Variants in SLC25A48 observed in about 807,000 individuals in gnomAD.
SLC25A48 encodes the protein solute carrier family 25 member 48, also known as CTC-321K16.1.
A neutral mutation model predicts 32.2 loss-of-function variants in SLC25A48; 29 were observed. That is an observed-to-expected ratio of 0.90 (90% CI 0.67 to 1.23). The LOEUF is 1.23. SLC25A48 is among the 50% of genes most tolerant of loss of function. SLC25A48 has a pLI of 0.00. For synonymous variants in SLC25A48, 164 were observed against 172.3 expected (o/e 0.95, Z 0.38); for missense variants, 399 against 422.7 (o/e 0.94, Z 0.49).
chr5:135,850,334 T>C (rs1759742842), intron 2 of SLC25A48, 91 bp from the exon 3 acceptor site: 3 of 1,337,298 alleles, frequency 2.2e-6, no homozygotes, highest in South Asian at 1.2e-5. Flanking sequence ...CGGGGGTCAC[T>C]ATGAGCAGGG....
chr5:135,879,567 G>C (rs1410866018), intron 6 of SLC25A48, among the ~76,000 whole-genome samples: 1 of 150,998 alleles, frequency 6.6e-6, no homozygotes, highest in Admixed American at 6.6e-5. Flanking sequence ...TCTACTCAGG[G>C]CTTCTAGATT....
chr5:135,744,693 G>T (rs926424118), intron 3 of SLC25A48, among the ~76,000 whole-genome samples: 8 of 152,174 alleles, frequency 5.3e-5, no homozygotes, highest in Non-Finnish European at 8.8e-5. Flanking sequence ...TATTGCTGAT[G>T]GTCACACCAC....
At chr5:135,854,070 C>A (rs906717042) in intron 4 of SLC25A48, among the ~76,000 whole-genome samples, 13 of 152,202 alleles carry the variant, frequency 8.5e-5, no homozygotes, top group African/African-American at 3.1e-4. Context: ...CTTTTCTGAG[C>A]AGTAGGTCTC....
chr5:135,876,062 C>CTCTGACA (rs1158212148), intron 6 of SLC25A48: 8 of 149,074 alleles, frequency 5.4e-5, no homozygotes, highest in Non-Finnish European at 1.2e-4. Context: ...ACAAGAGCTG[C>CTCTGACA]TCTGACAGAA....
intron 1 of SLC25A48, among the ~76,000 whole-genome samples, chr5:135,588,251 G>A (rs1021715225): frequency 1.3e-4 from 20 of 152,322 alleles, no homozygotes; most frequent in Admixed American, 2.6e-4. Flanking sequence ...ATGTATTTGA[G>A]CTATCACAAA....
intron 4 of SLC25A48, among the ~76,000 whole-genome samples, chr5:135,824,073 A>G (rs1271146017): frequency 6.6e-6 from 1 of 152,210 alleles, no homozygotes; most frequent in African/African-American, 2.4e-5. Flanking sequence ...CAGGAAGAGC[A>G]TGCCAGTGAT....
intron 1 of SLC25A48, among the ~76,000 whole-genome samples, chr5:135,621,742 T>G (rs532497404): frequency 5.3e-5 from 8 of 152,144 alleles, no homozygotes; most frequent in Non-Finnish European, 1.2e-4. Flanking sequence ...TCAAAGGTGT[T>G]TACAGGCATC....
chr5:135,734,924 G>A (rs1755323833), intron 3 of SLC25A48, among the ~76,000 whole-genome samples: 1 of 152,190 alleles, frequency 6.6e-6, no homozygotes, highest in Non-Finnish European at 1.5e-5. Context: ...GAGGCAATTG[G>A]GCAGCGTCAG....
intron 4 of SLC25A48, among the ~76,000 whole-genome samples, chr5:135,817,573 T>C (rs1757755530): frequency 6.6e-6 from 1 of 152,164 alleles, no homozygotes; most frequent in Non-Finnish European, 1.5e-5. Flanking sequence ...GCTGAGGCTA[T>C]AGAACTTGAA....
chr5:135,812,088 A>T (rs192894526), intron 3 of SLC25A48, among the ~76,000 whole-genome samples: 1 of 152,308 alleles, frequency 6.6e-6, no homozygotes, highest in Admixed American at 6.5e-5. Flanking sequence ...TCTCAAAAAA[A>T]ATAAATAAAT....
At chr5:135,643,891 TGAG>T (rs1489409106) in intron 3 of SLC25A48, among the ~76,000 whole-genome samples, 1 of 152,178 alleles carries the variant, frequency 6.6e-6, no homozygotes, top group Non-Finnish European at 1.5e-5. Flanking sequence ...ATTTTGCAGA[TGAG>T]GAGATTAAGG....
At chr5:135,589,451 CT>C (rs1751456363) in intron 1 of SLC25A48, among the ~76,000 whole-genome samples, 1 of 152,170 alleles carries the variant, frequency 6.6e-6, no homozygotes. Flanking sequence ...CCTGTAGGGG[CT>C]CCAGGTTAAT....
chr5:135,862,750 G>A (rs1173336222), intron 4 of SLC25A48, among the ~76,000 whole-genome samples: 1 of 152,196 alleles, frequency 6.6e-6, no homozygotes, highest in East Asian at 1.9e-4. Context: ...ACAACATAGG[G>A]GAAGATTTAG....
At chr5:135,790,033 TC>T (rs1209655490) in intron 3 of SLC25A48, among the ~76,000 whole-genome samples, 1 of 151,904 alleles carries the variant, frequency 6.6e-6, no homozygotes, top group Non-Finnish European at 1.5e-5. Context: ...GTGTAACATC[TC>T]AATAGGATAT....
At chr5:135,874,802 C>A in intron 6 of SLC25A48, 1 of 642,746 alleles carries the variant, frequency 1.6e-6, no homozygotes, top group South Asian at 1.8e-5. Flanking sequence ...GTCTGGTGTC[C>A]AAGGTAATAC....
At chr5:135,603,921 G>A (rs1751866136) in intron 1 of SLC25A48, among the ~76,000 whole-genome samples, 1 of 152,114 alleles carries the variant, frequency 6.6e-6, no homozygotes, top group African/African-American at 2.4e-5. Context: ...AGGCCTTGTT[G>A]GTGTTTCCCC....
At chr5:135,692,398 A>C (rs973999031) in intron 3 of SLC25A48, among the ~76,000 whole-genome samples, 1 of 152,118 alleles carries the variant, frequency 6.6e-6, no homozygotes, top group Non-Finnish European at 1.5e-5. Context: ...ATGAGCCAAA[A>C]GGAGGGCCAG....
chr5:135,873,924 G>A, intron 5 of SLC25A48, 97 bp from the exon 6 acceptor site: 1 of 1,328,542 alleles, frequency 7.5e-7, no homozygotes, highest in South Asian at 1.6e-5. Flanking sequence ...CCTTCTCCCA[G>A]CTTAATGAAT....
At chr5:135,788,362 C>T (rs559611756) in intron 3 of SLC25A48, among the ~76,000 whole-genome samples, 6 of 83,522 alleles carry the variant, frequency 7.2e-5, no homozygotes, top group Admixed American at 4.7e-4. Context: ...GGGTGTACAC[C>T]CCCCCGCCAT....
Sources: gnomAD v4.1 joint callset for allele counts (sites outside exome capture counted in the v4.1 genomes callset) on GRCh38, gnomAD v4.1.1 for gene constraint, MANE v1.5 for transcripts, NCBI Gene and HGNC (gene_info 2026-07-23, HGNC 2026-07-21) for gene names.